Variants in KIF13B observed in about 807,000 individuals in gnomAD.
KIF13B encodes the protein kinesin-like protein KIF13B.
A neutral mutation model predicts 222.0 loss-of-function variants in KIF13B; 127 were observed. That is an observed-to-expected ratio of 0.57 (90% confidence interval 0.50 to 0.66). The LOEUF is 0.66. KIF13B is among the 30% of genes least tolerant of loss of function. The pLI, the probability that KIF13B is intolerant of heterozygous loss-of-function variation, is 0.00. For synonymous variants in KIF13B, 976 were observed against 919.0 expected, an observed-to-expected ratio of 1.06 and a Z score of -1.12; for missense variants, 2,173 against 2,379.0, an observed-to-expected ratio of 0.91 and a Z score of 1.80.
At chr8:29,137,087 G>A (rs551606117) in intron 21 of KIF13B, among the ~76,000 whole-genome samples, 8 of 152,142 alleles carry the variant, frequency 5.3e-5, no homozygotes, top group East Asian at 3.9e-4. Flanking sequence ...GACGTGAGCC[G>A]CCGCGCCCGG....
intron 18 of KIF13B, 59 bp from the exon 19 acceptor site, chr8:29,142,362 G>A: frequency 1.4e-6 from 2 of 1,460,788 alleles, no homozygotes; most frequent in Non-Finnish European, 1.9e-6. Flanking sequence ...AGTCAAAGCT[G>A]ACAATTCCAC....
intron 36 of KIF13B, 74 bp downstream of exon 36, chr8:29,099,059 G>A (rs967327060): frequency 8.4e-7 from 1 of 1,192,334 alleles, no homozygotes; most frequent in African/African-American, 1.5e-5. Flanking sequence ...CTGCCTGGCA[G>A]GAAATTCTAA....
At chr8:29,090,456 G>A (rs1049505117) in intron 37 of KIF13B, among the ~76,000 whole-genome samples, 2 of 152,200 alleles carry the variant, frequency 1.3e-5, no homozygotes, top group African/African-American at 2.4e-5. Flanking sequence ...ATCGCGGACC[G>A]AGGGAAGGGA....
intron 17 of KIF13B, 85 bp from the exon 18 acceptor site, chr8:29,146,625 C>T (rs889406206): frequency 8.2e-7 from 1 of 1,225,952 alleles, no homozygotes; most frequent in Non-Finnish European, 1.1e-6. Context: ...GGTAGTACAT[C>T]ATTGCCAAAG....
At chr8:29,130,316 A>C (rs973988408) in intron 24 of KIF13B, among the ~76,000 whole-genome samples, 14 of 152,244 alleles carry the variant, frequency 9.2e-5, no homozygotes, top group Admixed American at 8.5e-4. Flanking sequence ...GTTCAAGACC[A>C]GCCTGGGCAA....
At chr8:29,182,887 C>CA (rs1167025514) in intron 6 of KIF13B, among the ~76,000 whole-genome samples, 4 of 150,908 alleles carry the variant, frequency 2.7e-5, no homozygotes, top group Non-Finnish European at 4.4e-5. Context: ...GTCTGCACCA[C>CA]AAAAAAAATG....
Position 29,123,730 on chromosome 8 carries a change from C to T in KIF13B, c.3353-238G>A, listed in dbSNP as rs148124423. ...GTGACTGGTCCAGAGTCAGAGGACT[C>T]GAGCCCTTTGGATAAGAAAAGTTAC... On this transcript the variant is annotated intron_variant, in intron 27 of 39. Coordinates refer to ENST00000524189, the MANE Select transcript of KIF13B (RefSeq NM_015254.4). Among the ~76,000 whole-genome samples, 838 of 152,278 alleles carry T rather than the reference C, an allele frequency of 5.5e-3. 6 individuals carry two copies. Among genetic ancestry groups the T allele is most frequent in the Non-Finnish European group, 8.4e-3 (569 of 68,016 alleles).
At chr8:29,207,706 T>C (rs1814016114) in intron 2 of KIF13B, among the ~76,000 whole-genome samples, 2 of 152,070 alleles carry the variant, frequency 1.3e-5, no homozygotes, top group African/African-American at 4.8e-5. Flanking sequence ...AAAAAAATGC[T>C]TTCAGAGATG....
intron 35 of KIF13B, among the ~76,000 whole-genome samples, chr8:29,106,624 C>T (rs547839757): frequency 6.6e-5 from 6 of 90,640 alleles, no homozygotes; most frequent in Admixed American, 5.3e-4. Context: ...AAGAGCGAAA[C>T]TCTGTCTCAA....
At chr8:29,130,867 T>A (rs1249302392) in intron 23 of KIF13B, among the ~76,000 whole-genome samples, 1 of 152,190 alleles carries the variant, frequency 6.6e-6, no homozygotes, top group African/African-American at 2.4e-5. Flanking sequence ...ATATCAGAAC[T>A]AGAAATGGCT....
chr8:29,126,044 G>C (rs775493082), intron 26 of KIF13B, among the ~76,000 whole-genome samples: 1 of 151,778 alleles, frequency 6.6e-6, no homozygotes, highest in East Asian at 1.9e-4. Flanking sequence ...CCGAGATGGC[G>C]CTATTGCACT....
intron 2 of KIF13B, among the ~76,000 whole-genome samples, chr8:29,221,379 A>T (rs1814742666): frequency 6.6e-6 from 1 of 150,872 alleles, no homozygotes; most frequent in Non-Finnish European, 1.5e-5. Context: ...CTGGGATTAC[A>T]GGCATGAGCC....
At chr8:29,174,917 T>G (rs867285554) in intron 10 of KIF13B, among the ~76,000 whole-genome samples, 1 of 152,184 alleles carries the variant, frequency 6.6e-6, no homozygotes, top group Non-Finnish European at 1.5e-5. Flanking sequence ...CTACTTCATT[T>G]CACAAAGGCC....
intron 2 of KIF13B, among the ~76,000 whole-genome samples, chr8:29,244,099 T>G (rs974087936): frequency 2.6e-5 from 4 of 151,884 alleles, no homozygotes; most frequent in Non-Finnish European, 5.9e-5. Flanking sequence ...CTGCAACCTC[T>G]GCCTCCCAGG....
intron 38 of KIF13B, among the ~76,000 whole-genome samples, chr8:29,073,168 G>C (rs1008228776): frequency 6.7e-6 from 1 of 149,130 alleles, no homozygotes; most frequent in Non-Finnish European, 1.5e-5. Flanking sequence ...GGGGGATGAG[G>C]AGGGGACAAA....
At chr8:29,163,799 C>G (rs537475179) in intron 12 of KIF13B, among the ~76,000 whole-genome samples, 106 of 152,328 alleles carry the variant, frequency 7.0e-4, no homozygotes, top group African/African-American at 2.5e-3. Flanking sequence ...CTAAGCTCCC[C>G]AAGATGTAGG....
chr8:29,142,749 GA>G (rs1400892300), intron 18 of KIF13B, among the ~76,000 whole-genome samples: 2 of 152,148 alleles, frequency 1.3e-5, no homozygotes, highest in African/African-American at 2.4e-5. Flanking sequence ...TGAAGCACAA[GA>G]ATTGCTTGAA....
chr8:29,184,674 G>T (rs1812855807), intron 6 of KIF13B, among the ~76,000 whole-genome samples: 1 of 152,158 alleles, frequency 6.6e-6, no homozygotes, highest in African/African-American at 2.4e-5. Context: ...AAACATAGGA[G>T]AAATTACTAA....
chr8:29,173,466 GA>G (rs57480607), intron 10 of KIF13B, among the ~76,000 whole-genome samples: 9 of 140,404 alleles, frequency 6.4e-5, no homozygotes, highest in African/African-American at 1.6e-4. Flanking sequence ...ACTAAAAATT[GA>G]AAAAAAAAAA....
Sources: allele counts gnomAD v4.1 joint callset (sites outside exome capture counted in the v4.1 genomes callset), GRCh38; gene constraint gnomAD v4.1.1; transcripts MANE v1.5; gene names NCBI Gene and HGNC (gene_info 2026-07-23, HGNC 2026-07-21).